Variants in CDH16 observed in about 807,000 individuals in gnomAD.
CDH16 encodes the protein cadherin-16.
A neutral mutation model predicts 87.6 loss-of-function variants in CDH16; 79 were observed. The ratio of observed to expected loss-of-function variants is 0.90; its 90% confidence interval spans 0.75 to 1.09. The LOEUF is 1.09. Ranked by LOEUF, CDH16 falls within the 50% of genes least tolerant of loss-of-function variation. CDH16 has a pLI of 0.00. For missense variants in CDH16, 1,124 were observed against 1,071.7 expected, an observed-to-expected ratio of 1.05 and a Z score of -0.68; for synonymous variants, 457 against 439.5, an observed-to-expected ratio of 1.04 and a Z score of -0.50.
rs755461559 is a variant in CDH16 at position 66,911,149 on chromosome 16, C to A, written c.1924+33G>T. The A allele has an allele frequency of 1.6e-5, 26 of 1,588,262 alleles. No homozygotes were observed. The East Asian group carries it at 2.0e-4, about 12-fold the overall frequency. On this transcript the variant is annotated intron_variant, in intron 14 of 17. Transcript: ENST00000299752. ...TCTGTCTGTCTGAGGTTTGTACCCC[C>A]TCCCAGGGGCTCCCATCACTGCCTG...
At chr16:66,910,198 C>A in intron 15 of CDH16, 62 bp downstream of exon 15, 2 of 1,556,672 alleles carry the variant, frequency 1.3e-6, no homozygotes, top group Non-Finnish European at 1.7e-6. Context: ...GGGTATCTCA[C>A]TTCCAAGTGA....
chr16:66,911,445 G>A, intron 13 of CDH16, 130 bp from the exon 14 acceptor site: 1 of 894,318 alleles, frequency 1.1e-6, no homozygotes, highest in Non-Finnish European at 1.7e-6. Context: ...AGCAAAGCCT[G>A]GGGGGCCCAG....
In CDH16 at chr16:66,916,407, G is replaced by T; in HGVS notation, c.152C>A (p.Ala51Asp). Reference protein sequence around the residue: ...LTKLPLPREGAEGQIVLSGDS... With the variant: ...LTKLPLPREGDEGQIVLSGDS... Reference sequence around the variant, plus strand: ...CCCTGACAGCACGATCTGGCCTTCAGCCCCCTCACGGGGCAGCGGCAACTG... The same window carrying T: ...CCCTGACAGCACGATCTGGCCTTCATCCCCCTCACGGGGCAGCGGCAACTG... The change falls in exon 4 of 18, where the codon GCT becomes GAT. Residue 51 changes from alanine to aspartate, a missense_variant. Transcript: ENST00000299752. The surrounding 1 kb of genome is among the most constrained non-coding windows in gnomAD (Gnocchi z 4.1). The T allele has an allele frequency of 1.9e-6, 3 of 1,608,748 alleles. No individual in the cohort carries two copies. The highest frequency in any genetic ancestry group is 2.6e-6 in the Non-Finnish European group (3 of 1,176,416).
intron 3 of CDH16, among the ~76,000 whole-genome samples, 187 bp downstream of exon 3, chr16:66,917,455 C>T (rs1962728713): frequency 6.6e-6 from 1 of 151,386 alleles, no homozygotes; most frequent in South Asian, 2.1e-4. Context: ...AAAAAAAATC[C>T]AAAATCTGAA....
rs1962296816 is a variant in CDH16, at chr16:66,909,264, T to C, written c.2392+3A>G. The C allele has an allele frequency of 6.3e-7, 1 of 1,588,040 alleles. No homozygotes were observed. The highest frequency in any genetic ancestry group is 1.3e-5 in the African/African-American group (1 of 74,406). On this transcript the variant is annotated splice_donor_region_variant and intron_variant, in intron 17 of 17. Coordinates refer to ENST00000299752, the MANE Select transcript of CDH16 (RefSeq NM_004062.4). This position sits in a 1 kb window ranked among gnomAD's most constrained non-coding sequence, Gnocchi z 4.1. Reference sequence around the variant, plus strand: ...CACGCAGGTAATGTCCAACCTCCATTACCTATTGCTACCAGGGTGCCTACA... The same window carrying C: ...CACGCAGGTAATGTCCAACCTCCATCACCTATTGCTACCAGGGTGCCTACA...
Position 66,912,258 on chromosome 16 carries a change from C to T in CDH16, c.1532G>A (p.Arg511Lys), listed in dbSNP as rs1962456744. 1.9e-6 allele frequency: 3 copies of T among 1,610,816 alleles called. No homozygotes were observed. The highest frequency in any genetic ancestry group is 2.5e-6 in the Non-Finnish European group (3 of 1,178,044). Residue 511 changes from arginine (R) to lysine (K), a missense_variant, in exon 12 of 18, where the codon AGA becomes AAA. Arg to Lys is a conservative substitution (Grantham distance 26). Coordinates refer to ENST00000299752, the MANE Select transcript of CDH16 (RefSeq NM_004062.4). ...GGCCCTCACCTTGCAGAGTCTGAGTCTAACATGCCCAGAGTCTGGCTCCCA... is the reference window on the plus strand; with the variant it reads ...GGCCCTCACCTTGCAGAGTCTGAGTTTAACATGCCCAGAGTCTGGCTCCCA... ...LDWEPDSGHV[R>K]LRLCKNLSYE... is the part of the protein sequence containing the mutation.
intron 15 of CDH16, 48 bp downstream of exon 15, chr16:66,910,212 C>T: frequency 1.3e-6 from 2 of 1,558,756 alleles, no homozygotes; most frequent in Non-Finnish European, 1.7e-6. Flanking sequence ...CAAGTGACAC[C>T]CCCTCCCTGC....
rs756379474 is a variant in CDH16, at chr16:66,911,908, C to T, written c.1781G>A (p.Arg594Gln). ...LTIQPSDPIS[R>Q]TLRFSLVNDS... ...TGGGATTTTAGCTCACCTGAGGGTT[C>T]GGCTGATGGGGTCGGAGGGCTGGAT... is the stretch of plus-strand genomic sequence containing the variant. Residue 594 changes from arginine to glutamine, a missense_variant, in exon 13 of 18, where the codon CGA becomes CAA. Coordinates refer to ENST00000299752, the MANE Select transcript of CDH16 (RefSeq NM_004062.4). The T allele has an allele frequency of 2.7e-5, 43 of 1,597,256 alleles. 1 individual carries two copies. Among genetic ancestry groups the T allele is most frequent in the African/African-American group, 9.4e-5 (7 of 74,730 alleles).
chr16:66,918,185 C>A (rs907966370), intron 1 of CDH16, 107 bp from the exon 2 acceptor site: 18 of 721,538 alleles, frequency 2.5e-5, no homozygotes, highest in Admixed American at 1.3e-4. Flanking sequence ...TCTCTTCCTC[C>A]CCTCCAAAGG....
At chr16:66,917,131 CAAAAAAAA>C (rs57115386) in intron 3 of CDH16, among the ~76,000 whole-genome samples, 1 of 108,256 alleles carries the variant, frequency 9.2e-6, no homozygotes, top group South Asian at 2.9e-4. Context: ...ACTAAAAATA[CAAAAAAAA>C]AAAAAAAAAA....
chr16:66,914,778 G>A (rs1418863001), intron 6 of CDH16, among the ~76,000 whole-genome samples: 1 of 152,160 alleles, frequency 6.6e-6, no homozygotes, highest in East Asian at 1.9e-4. Flanking sequence ...TGAGTGATGG[G>A]AGGTTGGATG....
rs923762091 is a variant in CDH16 at position 66,910,567 on chromosome 16, T to C, written c.1925-65A>G. On this transcript the variant is annotated intron_variant, in intron 14 of 17. Coordinates refer to ENST00000299752, the MANE Select transcript of CDH16 (RefSeq NM_004062.4). ...GGGGGAGGGTGAGCTCTGAGGTCCC[T>C]GGGCTGCTCCCGCAGCCCATGAGCC... 8 of 1,436,602 alleles carry C rather than the reference T, an allele frequency of 5.6e-6. No homozygotes were observed. In the African/African-American group the frequency reaches 8.6e-5, roughly 15 times the overall value. 89.0% of individuals were successfully genotyped at this position (1,436,602 alleles called of 1,614,324 possible).
chr16:66,917,562 A>T, intron 3 of CDH16, 80 bp downstream of exon 3: 1 of 961,904 alleles, frequency 1.0e-6, no homozygotes, highest in South Asian at 1.4e-5. Flanking sequence ...AAACAGCAAG[A>T]GGAAGGGTGC....
intron 8 of CDH16, 44 bp downstream of exon 8, chr16:66,913,447 C>G (rs758910747): frequency 2.6e-5 from 42 of 1,611,960 alleles, no homozygotes; most frequent in Non-Finnish European, 3.2e-5. Flanking sequence ...TGGACACTGA[C>G]CAAGCACCCC....
chr16:66,917,073 G>A (rs1238293170), intron 3 of CDH16, among the ~76,000 whole-genome samples: 1 of 151,478 alleles, frequency 6.6e-6, no homozygotes, highest in Non-Finnish European at 1.5e-5. Context: ...CTCACCTGAG[G>A]TGAGGTGTTC....
At chr16:66,910,853 C>T (rs1596972661) in intron 14 of CDH16, 1 of 373,224 alleles carries the variant, frequency 2.7e-6, no homozygotes, top group Admixed American at 4.4e-5. Context: ...CCAGGGGCAG[C>T]CCCTGGTCCT....
Position 66,912,304 on chromosome 16 carries a change from C to T in CDH16, c.1486G>A (p.Glu496Lys). Reference protein sequence around the residue: ...MDFAIERGDTEGTFGLDWEPD... With the variant: ...MDFAIERGDTKGTFGLDWEPD... Reference sequence around the variant, plus strand: ...TCCCAATCCAGGCCAAAAGTCCCTTCTGTGTCTCCCCTCTCAATGGCAAAA... The same window carrying T: ...TCCCAATCCAGGCCAAAAGTCCCTTTTGTGTCTCCCCTCTCAATGGCAAAA... Residue 496 changes from glutamate (E) to lysine (K), a missense_variant, in exon 12 of 18, where the codon GAA becomes AAA. Glu to Lys is a moderately conservative substitution (Grantham distance 56). Transcript: ENST00000299752. The T allele has an allele frequency of 6.2e-7, 1 of 1,614,182 alleles. No homozygotes were observed. Among genetic ancestry groups the T allele is most frequent in the Non-Finnish European group, 8.5e-7 (1 of 1,179,994 alleles).
chr16:66,915,161 T>A (rs1401960628), intron 6 of CDH16, 59 bp downstream of exon 6: 4 of 1,493,616 alleles, frequency 2.7e-6, no homozygotes, highest in Admixed American at 2.0e-5. Context: ...ATGGTTCAGA[T>A]ACCACCTTCT....
chr16:66,912,376 G>A lies in CDH16; in HGVS notation c.1414C>T (p.Leu472=), dbSNP rs1432012514. 1.2e-6 allele frequency: 2 copies of A among 1,614,004 alleles called. No homozygotes were observed. Among genetic ancestry groups the A allele is most frequent in the Non-Finnish European group, 8.5e-7 (1 of 1,180,016 alleles). ...DVEPGTLVAM[L]TAIDADLEPA... is the part of the protein sequence containing the mutation. Reference sequence around the variant, plus strand: ...TCGAGGTCAGCATCAATGGCTGTTAGCATGGCCACCAGAGTCCCGGGCTCC... The same window carrying A: ...TCGAGGTCAGCATCAATGGCTGTTAACATGGCCACCAGAGTCCCGGGCTCC... The change falls in exon 12 of 18, where the codon CTA becomes TTA. Residue 472 remains leucine (L), a synonymous_variant. Transcript: ENST00000299752.
Sources: allele counts gnomAD v4.1 joint callset (sites outside exome capture counted in the v4.1 genomes callset), GRCh38; gene constraint gnomAD v4.1.1; non-coding constraint Gnocchi (gnomAD v3.1); transcripts MANE v1.5; gene names NCBI Gene and HGNC (gene_info 2026-07-23, HGNC 2026-07-21).